Variants in GALNT18 observed in about 807,000 individuals in gnomAD.
GALNT18 encodes GalNAc-transferase 18.
A neutral mutation model predicts 69.5 loss-of-function variants in GALNT18; 44 were observed. The observed-to-expected ratio is 0.63, with a 90% CI of 0.50 to 0.81. The LOEUF (loss-of-function observed/expected upper bound fraction) is 0.81. Among genes scored for constraint, GALNT18 ranks in the 40% least tolerant of loss-of-function variants. GALNT18 has a pLI of 0.00. For missense variants in GALNT18, 715 were observed against 810.0 expected (o/e 0.88, Z 1.42); for synonymous variants, 364 against 318.2 (o/e 1.14, Z -1.53).
intron 9 of GALNT18, among the ~76,000 whole-genome samples, chr11:11,306,971 G>A (rs1220913802): frequency 6.6e-6 from 1 of 152,214 alleles, no homozygotes. Flanking sequence ...CTGCCACCAT[G>A]TGTAGAAGCC....
chr11:11,538,701 G>C lies in GALNT18; in HGVS notation c.235+82658C>G, dbSNP rs1490658095. ...TCTGGTTTCCCAGTCAGTAAATGGG[G>C]ACCTTAACAGGGCCTCACTGGGCCT... On this transcript the variant is annotated intron_variant, in intron 1 of 10. Coordinates refer to ENST00000227756, the MANE Select transcript of GALNT18 (RefSeq NM_198516.3). The surrounding 1 kb of genome is among the most constrained non-coding windows in gnomAD (Gnocchi z 5.2). 6.6e-6 allele frequency among the ~76,000 whole-genome samples: 1 copy of C among 152,120 alleles called. No individual in the cohort carries two copies. Among genetic ancestry groups the C allele is most frequent in the Admixed American group, 6.5e-5 (1 of 15,288 alleles).
chr11:11,550,879 G>A (rs1448108102), intron 1 of GALNT18, among the ~76,000 whole-genome samples: 2 of 152,150 alleles, frequency 1.3e-5, no homozygotes, highest in East Asian at 3.8e-4. Flanking sequence ...TAGTTCCAGG[G>A]GAGTTACACG....
intron 9 of GALNT18, among the ~76,000 whole-genome samples, chr11:11,304,533 T>C (rs1279270231): frequency 6.6e-6 from 1 of 152,202 alleles, no homozygotes; most frequent in African/African-American, 2.4e-5. Flanking sequence ...GCATATCCTA[T>C]GCACTGAGGA....
At chr11:11,599,594 T>C (rs1859584580) in intron 1 of GALNT18, among the ~76,000 whole-genome samples, 1 of 152,082 alleles carries the variant, frequency 6.6e-6, no homozygotes, top group African/African-American at 2.4e-5. Context: ...TCCATTCATA[T>C]TTAATGTTAA....
chr11:11,524,591 G>A (rs1241615405), intron 1 of GALNT18, among the ~76,000 whole-genome samples: 2 of 152,188 alleles, frequency 1.3e-5, no homozygotes, highest in East Asian at 1.9e-4. Flanking sequence ...TGGTCCTTCA[G>A]CCTGTGCCTC....
intron 6 of GALNT18, among the ~76,000 whole-genome samples, chr11:11,362,763 C>T (rs906552433): frequency 1.3e-5 from 2 of 152,262 alleles, no homozygotes; most frequent in Admixed American, 1.3e-4. Flanking sequence ...AATACTACCC[C>T]TCTGGAGGGA....
chr11:11,431,603 C>T (rs1366403397), intron 3 of GALNT18, among the ~76,000 whole-genome samples: 3 of 152,338 alleles, frequency 2.0e-5, no homozygotes, highest in African/African-American at 2.4e-5. Context: ...CTTCTTACCA[C>T]ATGATGATAA....
At chr11:11,349,424 T>C (rs1322220294) in intron 6 of GALNT18, among the ~76,000 whole-genome samples, 1 of 152,216 alleles carries the variant, frequency 6.6e-6, no homozygotes, top group African/African-American at 2.4e-5. Flanking sequence ...TGGATGAGGC[T>C]CATATTGCTT....
chr11:11,337,078 T>C lies in GALNT18; in HGVS notation c.1278+3741A>G, dbSNP rs557579432. Among the ~76,000 whole-genome samples, 4 of 152,232 alleles carry C rather than the reference T, an allele frequency of 2.6e-5. No homozygotes were observed. Among genetic ancestry groups the C allele is most frequent in the African/African-American group, 7.2e-5 (3 of 41,524 alleles). ...TTACACAAACCTGGCCACCCTAAAC[T>C]CTCATCTGGAGGGCTTTTTGTAGAT... On this transcript the variant is annotated intron_variant, in intron 7 of 10. Coordinates refer to ENST00000227756, the MANE Select transcript of GALNT18 (RefSeq NM_198516.3). This position sits in a 1 kb window ranked among gnomAD's most constrained non-coding sequence, Gnocchi z 4.9.
chr11:11,345,007 T>C (rs901027960), intron 6 of GALNT18, among the ~76,000 whole-genome samples: 1 of 152,146 alleles, frequency 6.6e-6, no homozygotes, highest in Non-Finnish European at 1.5e-5. Flanking sequence ...TTAATAATTA[T>C]TACGTTGCTG....
intron 10 of GALNT18, among the ~76,000 whole-genome samples, chr11:11,288,201 C>T (rs1330090088): frequency 1.3e-5 from 2 of 152,168 alleles, no homozygotes; most frequent in East Asian, 3.9e-4. Context: ...CTTTCAACAA[C>T]CATCATTATC....
intron 3 of GALNT18, among the ~76,000 whole-genome samples, chr11:11,401,469 G>A (rs543150690): frequency 6.6e-6 from 1 of 152,268 alleles, no homozygotes; most frequent in African/African-American, 2.4e-5. Flanking sequence ...GGTCCTAGAG[G>A]CTCAGGTCTT....
At chr11:11,536,373 T>C (rs989844434) in intron 1 of GALNT18, among the ~76,000 whole-genome samples, 5 of 152,146 alleles carry the variant, frequency 3.3e-5, no homozygotes. Flanking sequence ...GCCAGGCTGT[T>C]CAACTAGGTC....
chr11:11,545,203 A>G (rs376285438), intron 1 of GALNT18, among the ~76,000 whole-genome samples: 91 of 152,370 alleles, frequency 6.0e-4, no homozygotes, highest in African/African-American at 2.1e-3. Context: ...GTCAGACTTG[A>G]CCAGTTGCAC....
At chr11:11,447,632 T>C (rs377366748) in intron 2 of GALNT18, among the ~76,000 whole-genome samples, 2 of 152,182 alleles carry the variant, frequency 1.3e-5, no homozygotes, top group Admixed American at 1.3e-4. Flanking sequence ...CTTACAATCA[T>C]GGTGGAAGGC....
chr11:11,441,630 T>G (rs981269812), intron 2 of GALNT18, among the ~76,000 whole-genome samples: 3 of 152,154 alleles, frequency 2.0e-5, no homozygotes, highest in African/African-American at 7.2e-5. Flanking sequence ...CACATGAGGA[T>G]AAAATTAAAT....
At chr11:11,466,965 T>G (rs1856167465) in intron 1 of GALNT18, among the ~76,000 whole-genome samples, 2 of 152,220 alleles carry the variant, frequency 1.3e-5, no homozygotes, top group South Asian at 4.1e-4. Flanking sequence ...GTAGAAAATC[T>G]TCTTACCTAC....
At position 11,564,717 on chromosome 11, in the gene GALNT18, C is replaced by A. The variant is rs1858601212; in HGVS notation, c.235+56642G>T. Among the ~76,000 whole-genome samples the A allele has an allele frequency of 6.6e-6, 1 of 152,216 alleles. No individual in the cohort carries two copies. The highest frequency in any genetic ancestry group is 1.5e-5 in the Non-Finnish European group (1 of 68,040). ...GTATCCAGCCAGTCAACCCACACAG[C>A]ACATTTGCCTAGACTATCCCTGGTC... On this transcript the variant is annotated intron_variant, in intron 1 of 10. Coordinates refer to ENST00000227756, the MANE Select transcript of GALNT18 (RefSeq NM_198516.3). This position sits in a 1 kb window ranked among gnomAD's most constrained non-coding sequence, Gnocchi z 4.3.
chr11:11,528,447 C>G (rs1489222843), intron 1 of GALNT18, among the ~76,000 whole-genome samples: 1 of 152,152 alleles, frequency 6.6e-6, no homozygotes, highest in Non-Finnish European at 1.5e-5. Context: ...TGTGGCAAAC[C>G]AGAAGGTACA....
Sources: gnomAD v4.1 joint callset for allele counts (sites outside exome capture counted in the v4.1 genomes callset) on GRCh38, gnomAD v4.1.1 for gene constraint, Gnocchi (gnomAD v3.1) non-coding constraint, MANE v1.5 for transcripts, NCBI Gene and HGNC (gene_info 2026-07-23, HGNC 2026-07-21) for gene names.